Variants in BCO1 observed in about 807,000 individuals in gnomAD.
BCO1 encodes beta-carotene oxygenase 1, also known as beta,beta-carotene 15,15'-dioxygenase.
In BCO1, 54 loss-of-function variants were observed where a neutral mutation model predicts 56.3. The ratio of observed to expected loss-of-function variants is 0.96; its 90% CI spans 0.77 to 1.20. The LOEUF is 1.20. Among genes scored for constraint, BCO1 ranks in the 50% most tolerant of loss-of-function variants. The pLI is 0.00. For missense variants in BCO1, 801 were observed against 690.9 expected (o/e 1.16, Z -1.79); for synonymous variants, 318 against 266.1 (o/e 1.20, Z -1.90).
In BCO1 at chr16:81,285,327, C is replaced by T. The variant is rs182548569; in HGVS notation, c.1208-213C>T. ...AAACCTAGGTCTGGAGTACCTTGCT[C>T]CTGGACTCTCTAATAGAGCTGGGGT... On this transcript the variant is annotated intron_variant, in intron 8 of 10. Transcript: ENST00000258168. 9.8e-5 allele frequency among the ~76,000 whole-genome samples: 15 copies of T among 152,292 alleles called. No individual in the cohort carries two copies. In the East Asian group the frequency reaches 1.9e-3, roughly 20 times the overall value.
rs1406081412 is a variant in BCO1 at position 81,245,747 on chromosome 16, T to C, written c.193+144T>C. On this transcript the variant is annotated intron_variant, in intron 2 of 10. Transcript: ENST00000258168. Reference sequence around the variant, plus strand: ...CACTGAACTGAAATCAAGGTGTTCATAGGGCCACATTCAGTTCTGGAGGCT... The same window carrying C: ...CACTGAACTGAAATCAAGGTGTTCACAGGGCCACATTCAGTTCTGGAGGCT... 7.7e-6 allele frequency: 8 copies of C among 1,035,050 alleles called. No homozygotes were observed. In the East Asian group the frequency reaches 1.1e-4, roughly 14 times the overall value. 64.1% of individuals were successfully genotyped at this position (1,035,050 alleles called of 1,614,324 possible).
Position 81,270,335 on chromosome 16 carries a change from G to A in BCO1, c.1020G>A (p.Leu340=). The change falls in exon 7 of 11, where the codon CTG becomes CTA. Residue 340 remains leucine, a synonymous_variant. Transcript: ENST00000258168. Reference sequence around the variant, plus strand: ...ACCAGCTCTTCTACCTGGCCAACCTGAACCAGGACTTCAAGGAGAACTCCA... The same window carrying A: ...ACCAGCTCTTCTACCTGGCCAACCTAAACCAGGACTTCAAGGAGAACTCCA... ...SLYQLFYLAN[L]NQDFKENSRL... 2 of 1,614,076 alleles carry A rather than the reference G, an allele frequency of 1.2e-6. No individual in the cohort carries two copies. Among genetic ancestry groups the A allele is most frequent in the Non-Finnish European group, 1.7e-6 (2 of 1,180,028 alleles).
chr16:81,259,652 A>G, intron 2 of BCO1, 24 bp from the exon 3 acceptor site: 5 of 1,614,212 alleles, frequency 3.1e-6, no homozygotes, highest in Non-Finnish European at 4.2e-6. Flanking sequence ...TCAGCCTGAG[A>G]TTATGCTGGT....
rs1461825760 is a variant in BCO1 at position 81,287,414 on chromosome 16, T to G, written c.1414+8T>G. ...CCAAGGATGAGGATGACGGTAAGAC[T>G]CTAAGAAGCCACGCCTAGTTGCTGC... On this transcript the variant is annotated splice_region_variant and intron_variant, in intron 10 of 10. Transcript: ENST00000258168. 14 of 1,609,390 alleles carry G rather than the reference T, an allele frequency of 8.7e-6. No homozygotes were observed. Among genetic ancestry groups the G allele is most frequent in the Non-Finnish European group, 1.2e-5 (14 of 1,176,210 alleles).
intron 2 of BCO1, among the ~76,000 whole-genome samples, chr16:81,246,345 C>T (rs1489657228): frequency 6.6e-6 from 1 of 152,188 alleles, no homozygotes; most frequent in Non-Finnish European, 1.5e-5. Context: ...TGTCAGGTCA[C>T]ACATTCAACA....
At chr16:81,289,270 G>A (rs967128598) in intron 10 of BCO1, among the ~76,000 whole-genome samples, 1 of 152,176 alleles carries the variant, frequency 6.6e-6, no homozygotes, top group African/African-American at 2.4e-5. Flanking sequence ...AGTATTGAGA[G>A]TATTTCCATT....
At position 81,264,753 on chromosome 16, in the gene BCO1, G is replaced by C. The variant is rs145899743; in HGVS notation, c.585G>C (p.Lys195Asn). The change falls in exon 5 of 11, where the codon AAG becomes AAC. Residue 195 changes from lysine to asparagine, a missense_variant. Lys to Asn is a moderately conservative substitution (Grantham distance 94, BLOSUM62 0). Transcript: ENST00000258168. ...CCATTGTGGAAAAGGGGAAGACAAA[G>C]TATGTGATTTTTAAGATCCCTGCCA... ...GTSIVEKGKT[K>N]YVIFKIPATV... 24 of 1,614,064 alleles carry C rather than the reference G, an allele frequency of 1.5e-5. No individual in the cohort carries two copies. The Admixed American group carries it at 3.7e-4, about 25-fold the overall frequency.
chr16:81,276,463 G>T (rs1192524895), intron 7 of BCO1, among the ~76,000 whole-genome samples: 1 of 152,226 alleles, frequency 6.6e-6, no homozygotes, highest in African/African-American at 2.4e-5. Flanking sequence ...CCTGCCACAG[G>T]CCCATGAGGT....
chr16:81,245,142 T>C (rs1905325442), intron 1 of BCO1, among the ~76,000 whole-genome samples: 3 of 152,194 alleles, frequency 2.0e-5, no homozygotes, highest in African/African-American at 7.2e-5. Context: ...TCCACCCACC[T>C]AGGCTTCCCA....
intron 5 of BCO1, among the ~76,000 whole-genome samples, chr16:81,267,254 C>A (rs558045941): frequency 9.2e-5 from 14 of 152,222 alleles, no homozygotes; most frequent in Non-Finnish European, 1.8e-4. Flanking sequence ...TTCCACTAAG[C>A]CTCAGTTTCC....
chr16:81,262,416 G>A (rs1906546139), intron 4 of BCO1, 133 bp downstream of exon 4: 3 of 909,300 alleles, frequency 3.3e-6, no homozygotes, highest in Admixed American at 1.9e-5. Context: ...TGGATCCCGT[G>A]CCCTAGCGCC....
chr16:81,265,844 C>T lies in BCO1; in HGVS notation c.619+1057C>T, dbSNP rs139524669. ...CATCCATCATTCATCCATCTACCCA[C>T]CATCTATACACCCACCATTCATCCA... On this transcript the variant is annotated intron_variant, in intron 5 of 10. Transcript: ENST00000258168. Among the ~76,000 whole-genome samples the T allele has an allele frequency of 9.7e-3, 1,464 of 151,614 alleles. 13 individuals are homozygous for T. The highest frequency in any genetic ancestry group is 0.021 in the South Asian group (102 of 4,766).
chr16:81,285,853 G>A (rs1908150739), intron 9 of BCO1, among the ~76,000 whole-genome samples: 1 of 152,046 alleles, frequency 6.6e-6, no homozygotes, highest in Non-Finnish European at 1.5e-5. Flanking sequence ...TTTATTCACT[G>A]ATTTCTTTAT....
At chr16:81,289,668 C>G (rs1908357488) in intron 10 of BCO1, among the ~76,000 whole-genome samples, 1 of 152,186 alleles carries the variant, frequency 6.6e-6, no homozygotes, top group Non-Finnish European at 1.5e-5. Flanking sequence ...AAACAAAAAA[C>G]CGAATACCAC....
intron 6 of BCO1, among the ~76,000 whole-genome samples, chr16:81,269,164 A>T (rs1907026389): frequency 6.6e-6 from 1 of 150,454 alleles, no homozygotes; most frequent in South Asian, 2.1e-4. Context: ...AAGTATAGAA[A>T]GCCATGTATA....
In BCO1 at chr16:81,280,029, G is replaced by A. The variant is rs774485757; in HGVS notation, c.1102-828G>A. On this transcript the variant is annotated intron_variant, in intron 7 of 10. Coordinates refer to ENST00000258168, the MANE Select transcript of BCO1 (RefSeq NM_017429.3). ...TGTAATCCCAGCACTTTGGGAGGCC[G>A]AGGCGGGTGGATCACTTGAGGTCAG... is the stretch of plus-strand genomic sequence containing the variant. Among the ~76,000 whole-genome samples, 8 of 151,886 alleles carry A rather than the reference G, an allele frequency of 5.3e-5. No individual in the cohort carries two copies. The East Asian group carries it at 5.8e-4, about 11-fold the overall frequency.
intron 10 of BCO1, among the ~76,000 whole-genome samples, chr16:81,290,020 C>G (rs543508085): frequency 2.0e-5 from 3 of 152,228 alleles, no homozygotes; most frequent in Admixed American, 6.5e-5. Context: ...CCCACCACCA[C>G]ACCCAGCTAA....
chr16:81,238,835 G>A lies in BCO1; in HGVS notation c.-74G>A. Reference sequence around the variant, plus strand: ...GAGCAGGAAGGAAACGCAGGAGGAGGGAGCAGCATCTCCTGTGAACACAGA... The same window carrying A: ...GAGCAGGAAGGAAACGCAGGAGGAGAGAGCAGCATCTCCTGTGAACACAGA... On this transcript the variant is annotated 5_prime_UTR_variant, in exon 1 of 11. Transcript: ENST00000258168. The A allele has an allele frequency of 7.8e-7, 1 of 1,286,726 alleles. No individual in the cohort carries two copies. Among genetic ancestry groups the A allele is most frequent in the Non-Finnish European group, 1.1e-6 (1 of 882,210 alleles). The allele number at this position is 1,286,726 out of a possible 1,614,324, so 79.7% of individuals were successfully genotyped here. A position where few individuals can be genotyped will look rare whatever the true frequency, so the allele number is the denominator to read the frequency against.
At chr16:81,260,899 C>T (rs1407087835) in intron 3 of BCO1, among the ~76,000 whole-genome samples, 1 of 152,148 alleles carries the variant, frequency 6.6e-6, no homozygotes, top group Non-Finnish European at 1.5e-5. Context: ...ATCAGGCCTG[C>T]CATCAGTATC....
Sources: allele counts gnomAD v4.1 joint callset (sites outside exome capture counted in the v4.1 genomes callset), GRCh38; gene constraint gnomAD v4.1.1; transcripts MANE v1.5; gene names NCBI Gene and HGNC (gene_info 2026-07-23, HGNC 2026-07-21).